The following DAP variants were observed in gnomAD, a reference collection of about 807,000 sequenced individuals.
DAP encodes the protein death associated protein, also known as death-associated protein 1.
In DAP, 8 loss-of-function variants were observed where a neutral mutation model predicts 13.8. The observed-to-expected ratio is 0.58, with a 90% confidence interval of 0.34 to 1.05. DAP has a LOEUF of 1.05. DAP is among the 50% of genes least tolerant of loss of function. The probability of loss-of-function intolerance (pLI) is 0.03; values close to 1 mark genes in which losing one functional copy is unlikely to be tolerated. For synonymous variants in DAP, 47 were observed against 47.5 expected (o/e 0.99, Z 0.04); for missense variants, 106 against 133.2 (o/e 0.80, Z 1.01).
At chr5:10,690,940 G>A (rs566854706) in intron 2 of DAP, among the ~76,000 whole-genome samples, 36 of 152,106 alleles carry the variant, frequency 2.4e-4, no homozygotes, top group Middle Eastern at 3.4e-3. Context: ...CCCTGCCAAC[G>A]CTCGTTGTTT....
intron 2 of DAP, among the ~76,000 whole-genome samples, chr5:10,687,662 T>C (rs868408834): frequency 1.3e-5 from 2 of 151,258 alleles, no homozygotes; most frequent in African/African-American, 4.9e-5. Flanking sequence ...AAGTGATTTC[T>C]TGAGCTGGAA....
chr5:10,714,188 G>A (rs981583509), intron 2 of DAP, among the ~76,000 whole-genome samples: 1 of 152,228 alleles, frequency 6.6e-6, no homozygotes, highest in African/African-American at 2.4e-5. Flanking sequence ...GGACACCCAT[G>A]AACTAGGCTG....
intron 2 of DAP, among the ~76,000 whole-genome samples, chr5:10,722,129 G>A (rs1433538398): frequency 6.6e-6 from 1 of 152,192 alleles, no homozygotes; most frequent in Admixed American, 6.5e-5. Context: ...AATGAGTGTC[G>A]ACTTGATTGG....
intron 2 of DAP, among the ~76,000 whole-genome samples, chr5:10,730,743 G>A (rs575654650): frequency 4.5e-4 from 54 of 119,824 alleles, no homozygotes; most frequent in East Asian, 1.5e-3. Flanking sequence ...GAGCCCTGGT[G>A]GGGGGAATCT....
At chr5:10,745,811 AT>A (rs2126676744) in intron 2 of DAP, among the ~76,000 whole-genome samples, 1 of 152,300 alleles carries the variant, frequency 6.6e-6, no homozygotes, top group Non-Finnish European at 1.5e-5. Context: ...GCAAGGCGAT[AT>A]CTCTTGCCCT....
intron 2 of DAP, among the ~76,000 whole-genome samples, chr5:10,701,390 G>A (rs1405127915): frequency 6.6e-6 from 1 of 152,146 alleles, no homozygotes; most frequent in African/African-American, 2.4e-5. Context: ...CTCAGCATTT[G>A]CCTCAATAAG....
intron 2 of DAP, among the ~76,000 whole-genome samples, chr5:10,713,350 C>T (rs115778154): frequency 0.028 from 4,314 of 152,220 alleles, 182 homozygotes; most frequent in African/African-American, 0.094. Flanking sequence ...GTGGGAGTTA[C>T]GTTCCAGGCA....
chr5:10,727,187 C>T (rs1649238049), intron 2 of DAP, among the ~76,000 whole-genome samples: 2 of 152,212 alleles, frequency 1.3e-5, no homozygotes, highest in Admixed American at 6.5e-5. Context: ...TCCATAGGAA[C>T]TGTCTCTCAA....
chr5:10,729,593 T>C lies in DAP; in HGVS notation c.152+18582A>G, dbSNP rs16885240. Among the ~76,000 whole-genome samples the C allele has an allele frequency of 4.5e-3, 687 of 152,320 alleles. 4 individuals carry two copies. The highest frequency in any genetic ancestry group is 0.015 in the African/African-American group (631 of 41,576). On this transcript the variant is annotated intron_variant, in intron 2 of 3. Coordinates refer to ENST00000230895, the MANE Select transcript of DAP (RefSeq NM_004394.3). ...TGTCAAATTCTTGGAATACCAAAGA[T>C]GTCCCCTATTTTCCAGTGTTCTTTC...
intron 2 of DAP, among the ~76,000 whole-genome samples, chr5:10,742,728 T>C (rs551497702): frequency 5.5e-4 from 84 of 152,274 alleles, no homozygotes; most frequent in Admixed American, 9.8e-4. Flanking sequence ...AATCAACTAC[T>C]TCTCCAAGGA....
intron 2 of DAP, among the ~76,000 whole-genome samples, chr5:10,699,792 AGGCCCAC>A (rs1380415978): frequency 1.3e-5 from 2 of 152,236 alleles, no homozygotes; most frequent in Non-Finnish European, 2.9e-5. Context: ...ACTAGGCCCC[AGGCCCAC>A]GGCTCTCACT....
At chr5:10,725,401 G>A (rs1483850471) in intron 2 of DAP, among the ~76,000 whole-genome samples, 2 of 152,184 alleles carry the variant, frequency 1.3e-5, no homozygotes, top group Non-Finnish European at 2.9e-5. Context: ...TGGTTGTTGT[G>A]TTCCTGGTTC....
chr5:10,723,179 T>C (rs1332207860), intron 2 of DAP, among the ~76,000 whole-genome samples: 4 of 152,184 alleles, frequency 2.6e-5, no homozygotes, highest in Non-Finnish European at 4.4e-5. Context: ...AAATGTTCAG[T>C]CCCTGTAAAA....
chr5:10,742,358 C>A (rs986896880), intron 2 of DAP, among the ~76,000 whole-genome samples: 1 of 152,076 alleles, frequency 6.6e-6, no homozygotes, highest in African/African-American at 2.4e-5. Context: ...CATGGTGAAA[C>A]CCCGTCTCTA....
intron 2 of DAP, among the ~76,000 whole-genome samples, chr5:10,737,878 T>A (rs937439184): frequency 3.3e-5 from 5 of 152,232 alleles, no homozygotes; most frequent in African/African-American, 1.2e-4. Context: ...GGATGGGTCC[T>A]AATCCAATAT....
At chr5:10,716,198 C>A (rs1027465680) in intron 2 of DAP, among the ~76,000 whole-genome samples, 1 of 152,146 alleles carries the variant, frequency 6.6e-6, no homozygotes, top group Admixed American at 6.6e-5. Flanking sequence ...AAACAGCGGG[C>A]AGAATGAAGC....
intron 2 of DAP, among the ~76,000 whole-genome samples, chr5:10,743,134 C>T (rs577675891): frequency 1.6e-4 from 25 of 152,304 alleles, no homozygotes; most frequent in Middle Eastern, 3.4e-3. Flanking sequence ...CTAAACCATG[C>T]CCCTTAAGAA....
intron 1 of DAP, among the ~76,000 whole-genome samples, chr5:10,755,064 TGAG>T (rs1740148919): frequency 6.6e-6 from 1 of 152,126 alleles, no homozygotes; most frequent in Non-Finnish European, 1.5e-5. Flanking sequence ...AGACTGAAGG[TGAG>T]GAGATTATTC....
In DAP at chr5:10,680,638, A is replaced by G. The variant is rs1350928658; in HGVS notation, c.*418T>C. 8.5e-7 allele frequency: 1 copy of G among 1,170,850 alleles called. No individual in the cohort carries two copies. Among genetic ancestry groups the G allele is most frequent in the African/African-American group, 1.5e-5 (1 of 64,634 alleles). The allele number at this position is 1,170,850 out of a possible 1,614,324, so 72.5% of individuals were successfully genotyped here. ...AGTTCTTACTCTCCCACAGGTGTTG[A>G]GATTTTATTGGCCCATACTAAAAAG... On this transcript the variant is annotated 3_prime_UTR_variant, in exon 4 of 4. Transcript: ENST00000230895.
Sources: gnomAD v4.1 joint callset for allele counts (sites outside exome capture counted in the v4.1 genomes callset) on GRCh38, gnomAD v4.1.1 for gene constraint, MANE v1.5 for transcripts, NCBI Gene and HGNC (gene_info 2026-07-23, HGNC 2026-07-21) for gene names.